Variants in NCR3LG1 observed in about 807,000 individuals in gnomAD.
The protein encoded by NCR3LG1 is natural killer cell cytotoxicity receptor 3 ligand 1.
NCR3LG1 carries 35 observed loss-of-function variants against 34.8 expected under a neutral mutation model. That is an observed-to-expected ratio of 1.01 (90% confidence interval 0.77 to 1.33). The LOEUF is 1.33. Ranked by LOEUF, NCR3LG1 falls within the 40% of genes most tolerant of loss-of-function variation. The probability of loss-of-function intolerance (pLI) is 0.00; values close to 1 mark genes in which losing one functional copy is unlikely to be tolerated. For missense variants in NCR3LG1, 452 were observed against 423.3 expected (o/e 1.07, Z -0.60); for synonymous variants, 173 against 163.6 (o/e 1.06, Z -0.44).
In NCR3LG1 at chr11:17,356,694, AC is replaced by A. The variant is rs1953209549; in HGVS notation, c.118del (p.Leu40Ter). On this transcript the variant is annotated frameshift_variant, in exon 2 of 5. Coordinates refer to ENST00000338965, the MANE Select transcript of NCR3LG1 (RefSeq NM_001202439.3). LOFTEE classifies it high-confidence loss of function. ...EMMAGGTQIT[P>X]LNDNVTIFCN... The stretch of plus-strand genomic sequence containing the variant: ...TGATGGCAGGGGGGACTCAGATCAC[AC>A]CCCTGAATGACAATGTCACCATATT... The A allele has an allele frequency of 6.5e-7, 1 of 1,536,182 alleles. No individual in the cohort carries two copies.
chr11:17,369,394 A>G (rs528853975), intron 4 of NCR3LG1, among the ~76,000 whole-genome samples: 3 of 152,204 alleles, frequency 2.0e-5, no homozygotes, highest in African/African-American at 4.8e-5. Context: ...TGACCACCAG[A>G]TCTCACTAGT....
In NCR3LG1 at chr11:17,353,508, G is replaced by A. The variant is rs933175826; in HGVS notation, c.70+1469G>A. 3.9e-5 allele frequency among the ~76,000 whole-genome samples: 6 copies of A among 152,208 alleles called. No homozygotes were observed. In the South Asian group the frequency reaches 1.2e-3, roughly 31 times the overall value. On this transcript the variant is annotated intron_variant, in intron 1 of 4. Coordinates refer to ENST00000338965, the MANE Select transcript of NCR3LG1 (RefSeq NM_001202439.3). ...TCCTCGAGCTCGAAGTGGCGCCAGT[G>A]GGCTGCCGCCGCGCCCACCCGGTCC...
Position 17,372,355 on chromosome 11 carries a change from C to G in NCR3LG1, c.1208C>G (p.Thr403Arg). The G allele has an allele frequency of 1.4e-6, 1 of 703,092 alleles. No homozygotes were observed. The highest frequency in any genetic ancestry group is 1.5e-5 in the South Asian group (1 of 67,594). 43.6% of individuals were successfully genotyped at this position (703,092 alleles called of 1,614,324 possible). A position where few individuals can be genotyped will look rare whatever the true frequency, so the allele number is the denominator to read the frequency against. The change falls in exon 5 of 5, where the codon ACA (threonine) becomes AGA (arginine). Residue 403 changes from threonine to arginine, a missense_variant. Transcript: ENST00000338965. ...GGCAAGTCCATAGATGATAATTCCA[C>G]AAAGTCTGAGAAACAAACCCCTAGG... ...TSGKSIDDNS[T>R]KSEKQTPREH...
At position 17,372,029 on chromosome 11, in the gene NCR3LG1, C is replaced by CTAT. The variant is rs1362834983; in HGVS notation, c.883_885dup (p.Tyr295dup). Reference sequence around the variant, plus strand: ...AGATATGTAACAAATCATCTTCAGCCTATACTCCTCTCAAGTGCATTCTGA... The same window carrying CTAT: ...AGATATGTAACAAATCATCTTCAGCCTATTATACTCCTCTCAAGTGCATTCTGA... On this transcript the variant is annotated inframe_insertion, in exon 5 of 5. Transcript: ENST00000338965. 40 of 702,046 alleles carry CTAT rather than the reference C, an allele frequency of 5.7e-5. No individual in the cohort carries two copies. Among genetic ancestry groups the CTAT allele is most frequent in the African/African-American group, 5.4e-4 (31 of 57,216 alleles). 43.5% of individuals were successfully genotyped at this position (702,046 alleles called of 1,614,324 possible).
chr11:17,357,499 C>T (rs1953224087), intron 2 of NCR3LG1, among the ~76,000 whole-genome samples: 1 of 152,130 alleles, frequency 6.6e-6, no homozygotes, highest in Admixed American at 6.5e-5. Flanking sequence ...TTTAGGAGGA[C>T]ATAATTCAGC....
At chr11:17,362,457 C>A (rs992809756) in intron 2 of NCR3LG1, among the ~76,000 whole-genome samples, 1 of 152,094 alleles carries the variant, frequency 6.6e-6, no homozygotes, top group Non-Finnish European at 1.5e-5. Context: ...GCGGTTTTGG[C>A]AGTAGGATAA....
downstream of NCR3LG1, among the ~76,000 whole-genome samples, chr11:17,380,278 C>A (rs1338336105): frequency 6.6e-6 from 1 of 152,056 alleles, no homozygotes; most frequent in Non-Finnish European, 1.5e-5. Flanking sequence ...TGGTTTCCTC[C>A]CACATCGCAA....
Position 17,372,497 on chromosome 11 carries a change from G to T in NCR3LG1, c.1350G>T (p.Leu450=), listed in dbSNP as rs928576358. The change falls in exon 5 of 5, where the codon CTG becomes CTT. Residue 450 remains leucine, a synonymous_variant. Coordinates refer to ENST00000338965, the MANE Select transcript of NCR3LG1 (RefSeq NM_001202439.3). ...PVLSSQPPTL[L]LPLQ ...TATCCTCCCAACCCCCAACTTTACTGTTACCCCTACAGTAAATGCCTGATG... is the reference window on the plus strand; with the variant it reads ...TATCCTCCCAACCCCCAACTTTACTTTTACCCCTACAGTAAATGCCTGATG... 7 of 700,422 alleles carry T rather than the reference G, an allele frequency of 1.0e-5. No individual in the cohort carries two copies. The African/African-American group carries it at 1.2e-4, about 12-fold the overall frequency. The allele number at this position is 700,422 out of a possible 1,614,324, so 43.4% of individuals were successfully genotyped here. A position where few individuals can be genotyped will look rare whatever the true frequency, so the allele number is the denominator to read the frequency against.
downstream of NCR3LG1, among the ~76,000 whole-genome samples, chr11:17,378,304 G>C (rs1207515422): frequency 1.3e-5 from 2 of 152,102 alleles, no homozygotes; most frequent in Non-Finnish European, 2.9e-5. Flanking sequence ...TTAGAACATT[G>C]ACAGATTAAG....
At chr11:17,378,000 G>A (rs1301761088), downstream of NCR3LG1, among the ~76,000 whole-genome samples, 2 of 152,112 alleles carry the variant, frequency 1.3e-5, no homozygotes, top group Non-Finnish European at 2.9e-5. Context: ...CATGGATAGG[G>A]GATTCTATAG....
rs542995806 is a variant in NCR3LG1 at position 17,369,046 on chromosome 11, G to A, written c.858+82G>A. Reference sequence around the variant, plus strand: ...AGAGCAGCTGCTGCCAACCTTACAAGCCTCAAGGGACAGGCCTGCTGGAAA... The same window carrying A: ...AGAGCAGCTGCTGCCAACCTTACAAACCTCAAGGGACAGGCCTGCTGGAAA... On this transcript the variant is annotated intron_variant, in intron 4 of 4. Transcript: ENST00000338965. 15 of 820,458 alleles carry A rather than the reference G, an allele frequency of 1.8e-5. No homozygotes were observed. In the East Asian group the frequency reaches 2.9e-4, roughly 16 times the overall value. 50.8% of individuals were successfully genotyped at this position (820,458 alleles called of 1,614,324 possible).
At position 17,376,122 on chromosome 11, in the gene NCR3LG1, C is replaced by G. The variant is rs1953474257; in HGVS notation, c.*3610C>G. ...CTTTAACAGATGACTTCTTCCCCACCACAATCAAAGGATGGGAAGTTACTC... is the reference window on the plus strand; with the variant it reads ...CTTTAACAGATGACTTCTTCCCCACGACAATCAAAGGATGGGAAGTTACTC... On this transcript the variant is annotated 3_prime_UTR_variant, in exon 5 of 5. Coordinates refer to ENST00000338965, the MANE Select transcript of NCR3LG1 (RefSeq NM_001202439.3). 1 of 152,194 alleles carries G rather than the reference C, an allele frequency of 6.6e-6. No individual in the cohort carries two copies. The highest frequency in any genetic ancestry group is 1.5e-5 in the Non-Finnish European group (1 of 68,042). 9.4% of individuals were successfully genotyped at this position (152,194 alleles called of 1,614,324 possible). A position where few individuals can be genotyped will look rare whatever the true frequency, so the allele number is the denominator to read the frequency against.
intron 1 of NCR3LG1, among the ~76,000 whole-genome samples, chr11:17,354,258 A>G (rs1412503065): frequency 6.6e-6 from 1 of 152,270 alleles, no homozygotes; most frequent in Non-Finnish European, 1.5e-5. Flanking sequence ...CCTTGGAAAC[A>G]AGACTGCAGA....
intron 1 of NCR3LG1, among the ~76,000 whole-genome samples, chr11:17,354,562 T>C (rs1410048758): frequency 1.4e-5 from 2 of 147,986 alleles, no homozygotes; most frequent in African/African-American, 4.9e-5. Context: ...TTTTTTTTTT[T>C]TTTTTTTTTT....
downstream of NCR3LG1, chr11:17,381,139 T>A (rs1337217651): frequency 6.6e-6 from 1 of 152,154 alleles, no homozygotes; most frequent in African/African-American, 2.4e-5. Flanking sequence ...CTACAGCCTC[T>A]CCCCTTTATC....
chr11:17,379,874 A>G (rs1953504767), downstream of NCR3LG1, among the ~76,000 whole-genome samples: 1 of 151,318 alleles, frequency 6.6e-6, no homozygotes, highest in Non-Finnish European at 1.5e-5. Context: ...TGTGGTAGCC[A>G]CAGAGATGTG....
At chr11:17,379,981 G>A (rs930742822), downstream of NCR3LG1, among the ~76,000 whole-genome samples, 1 of 152,068 alleles carries the variant, frequency 6.6e-6, no homozygotes, top group Non-Finnish European at 1.5e-5. Flanking sequence ...TGTTCCAGCT[G>A]GTGCCATGCT....
intron 2 of NCR3LG1, among the ~76,000 whole-genome samples, chr11:17,362,509 T>C (rs1953279290): frequency 6.6e-6 from 1 of 152,206 alleles, no homozygotes; most frequent in South Asian, 2.1e-4. Context: ...TCCCTCTGTC[T>C]ACTTCTACTT....
At chr11:17,362,796 CTCTTTCTT>C (rs74193431) in intron 2 of NCR3LG1, among the ~76,000 whole-genome samples, 7 of 137,624 alleles carry the variant, frequency 5.1e-5, no homozygotes, top group East Asian at 4.3e-4. Flanking sequence ...TTCTTTCTCT[CTCTTTCTT>C]TCTTTCTTTC....
Sources: allele counts gnomAD v4.1 joint callset (sites outside exome capture counted in the v4.1 genomes callset), GRCh38; gene constraint gnomAD v4.1.1; transcripts MANE v1.5; gene names NCBI Gene and HGNC (gene_info 2026-07-23, HGNC 2026-07-21).